SLC35F1: variants seen among roughly 807,000 people sequenced by gnomAD.
The protein encoded by SLC35F1 is chromosome 6 open reading frame 169.
In SLC35F1, 14 loss-of-function variants were observed where a neutral mutation model predicts 48.7. That is an observed-to-expected ratio of 0.29 (90% CI 0.19 to 0.45). The LOEUF (loss-of-function observed/expected upper bound fraction) is 0.45, where lower values mean the gene tolerates loss of function less well. Ranked by LOEUF, SLC35F1 falls within the 20% of genes least tolerant of loss-of-function variation. The pLI is 1.00. For synonymous variants in SLC35F1, 190 were observed against 202.2 expected, an observed-to-expected ratio of 0.94 and a Z score of 0.51; for missense variants, 404 against 500.0, an observed-to-expected ratio of 0.81 and a Z score of 1.83.
chr6:118,148,884 A>G (rs535691734), intron 1 of SLC35F1, among the ~76,000 whole-genome samples: 1 of 152,348 alleles, frequency 6.6e-6, no homozygotes, highest in East Asian at 1.9e-4. Context: ...GATGGAATAC[A>G]GTAAAAAACA....
At chr6:118,287,701 T>A (rs1272746302) in intron 7 of SLC35F1, among the ~76,000 whole-genome samples, 2 of 152,180 alleles carry the variant, frequency 1.3e-5, no homozygotes, top group Non-Finnish European at 2.9e-5. Context: ...ACTCGAACAG[T>A]GCCTGTTCCT....
intron 7 of SLC35F1, among the ~76,000 whole-genome samples, chr6:118,313,078 A>C (rs1355110093): frequency 6.6e-6 from 1 of 152,330 alleles, no homozygotes; most frequent in African/African-American, 2.4e-5. Flanking sequence ...GTAGGCATCA[A>C]CATATTTTTC....
At chr6:118,024,544 A>G (rs911761320) in intron 1 of SLC35F1, among the ~76,000 whole-genome samples, 65 of 152,148 alleles carry the variant, frequency 4.3e-4, no homozygotes, top group Non-Finnish European at 3.1e-4. Flanking sequence ...ATTTAAGAAA[A>G]ATCAGCCATT....
At chr6:118,241,208 T>C (rs1775436034) in intron 3 of SLC35F1, among the ~76,000 whole-genome samples, 1 of 152,208 alleles carries the variant, frequency 6.6e-6, no homozygotes, top group Admixed American at 6.5e-5. Flanking sequence ...CAAGCACATT[T>C]GTTTTAACAA....
At chr6:117,920,871 T>C (rs1775888753) in intron 1 of SLC35F1, among the ~76,000 whole-genome samples, 2 of 152,184 alleles carry the variant, frequency 1.3e-5, no homozygotes, top group Admixed American at 1.3e-4. Flanking sequence ...CCATGATATC[T>C]TGACCTTTTG....
chr6:118,091,900 C>T lies in SLC35F1; in HGVS notation c.174-62545C>T, dbSNP rs539156817. Among the ~76,000 whole-genome samples the T allele has an allele frequency of 4.6e-5, 7 of 152,212 alleles. No individual in the cohort carries two copies. In the South Asian group the frequency reaches 1.0e-3, roughly 23 times the overall value. ...TGGAGTAAAGGTCACTCTTGCTATG[C>T]GAAGAGACTGGCAGCATTTTGACCC... On this transcript the variant is annotated intron_variant, in intron 1 of 7. Transcript: ENST00000360388.
Position 118,314,605 on chromosome 6 carries a change from A to G in SLC35F1, c.*353A>G, listed in dbSNP as rs538917285. On this transcript the variant is annotated 3_prime_UTR_variant, in exon 8 of 8. Coordinates refer to ENST00000360388, the MANE Select transcript of SLC35F1 (RefSeq NM_001029858.4). ...ACCAACTTTCAGGAGGATGTTTTGTACTCCTGATGGAAACTATTGCCAGAC... is the reference window on the plus strand; with the variant it reads ...ACCAACTTTCAGGAGGATGTTTTGTGCTCCTGATGGAAACTATTGCCAGAC... 1.1e-5 allele frequency: 3 copies of G among 261,972 alleles called. No homozygotes were observed. In the South Asian group the frequency reaches 1.9e-4, roughly 16 times the overall value. 16.2% of individuals were successfully genotyped at this position (261,972 alleles called of 1,614,324 possible). A position where few individuals can be genotyped will look rare whatever the true frequency, so the allele number is the denominator to read the frequency against.
intron 1 of SLC35F1, among the ~76,000 whole-genome samples, chr6:118,094,837 G>A (rs1773126413): frequency 6.6e-6 from 1 of 152,012 alleles, no homozygotes; most frequent in South Asian, 2.1e-4. Context: ...GCATGGTGAG[G>A]CACTCCTGTA....
chr6:118,235,142 A>C (rs1309742764), intron 2 of SLC35F1, among the ~76,000 whole-genome samples: 1 of 152,172 alleles, frequency 6.6e-6, no homozygotes, highest in African/African-American at 2.4e-5. Context: ...CACAATCCTG[A>C]AATTTAGAAT....
At chr6:118,256,529 T>G (rs1458557053) in intron 3 of SLC35F1, among the ~76,000 whole-genome samples, 1 of 152,082 alleles carries the variant, frequency 6.6e-6, no homozygotes, top group Non-Finnish European at 1.5e-5. Flanking sequence ...GAGTCTCTTT[T>G]GGGCACAGAC....
chr6:118,313,428 T>C (rs573821166), intron 7 of SLC35F1, among the ~76,000 whole-genome samples: 29 of 152,364 alleles, frequency 1.9e-4, no homozygotes, highest in Admixed American at 5.2e-4. Context: ...TGCTTGGTTT[T>C]GTTTACAGAT....
intron 2 of SLC35F1, among the ~76,000 whole-genome samples, chr6:118,189,175 T>C (rs1310911888): frequency 1.3e-5 from 2 of 152,134 alleles, no homozygotes; most frequent in Non-Finnish European, 2.9e-5. Flanking sequence ...CCTCCTAGAG[T>C]ACTGAGATTA....
intron 1 of SLC35F1, among the ~76,000 whole-genome samples, chr6:118,050,132 A>G (rs1184086141): frequency 3.3e-5 from 5 of 151,806 alleles, no homozygotes; most frequent in Admixed American, 2.0e-4. Flanking sequence ...ACCAAACACC[A>G]CATGTTCTCA....
intron 2 of SLC35F1, among the ~76,000 whole-genome samples, chr6:118,220,124 AG>A (rs1224172285): frequency 1.3e-5 from 2 of 152,174 alleles, no homozygotes; most frequent in African/African-American, 4.8e-5. Context: ...TATGTAACAA[AG>A]CTGTAGGTTG....
intron 3 of SLC35F1, among the ~76,000 whole-genome samples, chr6:118,249,583 A>G (rs536544964): frequency 5.0e-4 from 76 of 152,334 alleles, no homozygotes; most frequent in African/African-American, 1.8e-3. Context: ...TCCATTGGCA[A>G]TGCATTTGAG....
At chr6:118,222,592 C>T (rs1280492953) in intron 2 of SLC35F1, among the ~76,000 whole-genome samples, 1 of 152,106 alleles carries the variant, frequency 6.6e-6, no homozygotes, top group African/African-American at 2.4e-5. Flanking sequence ...AGAAAAAAAA[C>T]TTAATTATTT....
In SLC35F1 at chr6:118,098,504, C is replaced by G. The variant is rs1484558582; in HGVS notation, c.174-55941C>G. On this transcript the variant is annotated intron_variant, in intron 1 of 7. Coordinates refer to ENST00000360388, the MANE Select transcript of SLC35F1 (RefSeq NM_001029858.4). ...GGGAGTGCAGATAGTTAAAAACACC[C>G]CACCATGAGGATACCCACTGTTGTT... Among the ~76,000 whole-genome samples the G allele has an allele frequency of 2.0e-5, 3 of 152,144 alleles. No individual in the cohort carries two copies. In the East Asian group the frequency reaches 5.8e-4, roughly 29 times the overall value.
intron 1 of SLC35F1, among the ~76,000 whole-genome samples, chr6:117,983,827 G>A (rs1776813952): frequency 6.6e-6 from 1 of 152,086 alleles, no homozygotes; most frequent in Non-Finnish European, 1.5e-5. Context: ...TACACCTGTT[G>A]TGACTGGCCT....
intron 3 of SLC35F1, among the ~76,000 whole-genome samples, chr6:118,258,314 A>G (rs1775671119): frequency 6.6e-6 from 1 of 152,118 alleles, no homozygotes; most frequent in South Asian, 2.1e-4. Context: ...TCTGACATCA[A>G]TATCACTGTG....
Sources: allele counts gnomAD v4.1 joint callset (sites outside exome capture counted in the v4.1 genomes callset), GRCh38; gene constraint gnomAD v4.1.1; transcripts MANE v1.5; gene names NCBI Gene and HGNC (gene_info 2026-07-23, HGNC 2026-07-21).